The following KIDINS220 variants were observed in gnomAD, a reference collection of about 807,000 sequenced individuals.
KIDINS220 encodes kinase D interacting substrate 220, also known as kinase D-interacting substrate of 220 kDa.
KIDINS220 carries 63 observed loss-of-function variants against 157.6 expected under a neutral mutation model. The ratio of observed to expected loss-of-function variants is 0.40; its 90% CI spans 0.33 to 0.49. KIDINS220 has a LOEUF of 0.49. KIDINS220 is among the 20% of genes least tolerant of loss of function. The pLI is 0.66. For synonymous variants in KIDINS220, 732 were observed against 783.6 expected (o/e 0.93, Z 1.10); for missense variants, 1,772 against 2,171.2 (o/e 0.82, Z 3.65).
At position 8,734,703 on chromosome 2, in the gene KIDINS220, C is replaced by T; in HGVS notation, c.3768G>A (p.Lys1256=). The T allele has an allele frequency of 6.2e-7, 1 of 1,613,658 alleles. No individual in the cohort carries two copies. Residue 1256 remains lysine, a synonymous_variant, in exon 28 of 30, where the codon AAG becomes AAA. Transcript: ENST00000256707. ...CTCCAAAATTCATATTCATCTCTTT[C>T]TTCAGCTCATCAATGTTACACTGAG... ...VLAQCNIDEL[K]KEMNMNFGDW...
intron 25 of KIDINS220, chr2:8,747,670 G>T: frequency 2.6e-6 from 1 of 390,528 alleles, no homozygotes. Context: ...CTATAAACAA[G>T]TCAACATTTC....
rs1229213637 is a variant in KIDINS220 at position 8,729,793 on chromosome 2, T to C, written c.*927A>G. 2 of 982,112 alleles carry C rather than the reference T, an allele frequency of 2.0e-6. No homozygotes were observed. The highest frequency in any genetic ancestry group is 1.2e-4 in the Admixed American group (2 of 16,264). The allele number at this position is 982,112 out of a possible 1,614,324, so 60.8% of individuals were successfully genotyped here. On this transcript the variant is annotated 3_prime_UTR_variant, in exon 30 of 30. Coordinates refer to ENST00000256707, the MANE Select transcript of KIDINS220 (RefSeq NM_020738.4). ...TCATTTATCAATTGTCACTGACCTT[T>C]TTGATGTAATTATTTCCTCATTCAC...
At chr2:8,809,019 TTG>T (rs1163039608) in intron 6 of KIDINS220, among the ~76,000 whole-genome samples, 1 of 9,894 alleles carries the variant, frequency 1.0e-4, no homozygotes, top group Non-Finnish European at 3.2e-4. Context: ...GTTTGTTTGT[TTG>T]TTTGTTTTTT....
intron 27 of KIDINS220, among the ~76,000 whole-genome samples, chr2:8,735,970 G>A (rs1276059398): frequency 6.6e-6 from 1 of 152,224 alleles, no homozygotes; most frequent in Non-Finnish European, 1.5e-5. Context: ...GCTGCCTGAA[G>A]GAGAAAGTGG....
intron 18 of KIDINS220, 88 bp from the exon 19 acceptor site, chr2:8,779,227 G>C (rs1383619767): frequency 1.4e-6 from 2 of 1,472,990 alleles, no homozygotes; most frequent in Non-Finnish European, 1.8e-6. Context: ...GCTACCTTTT[G>C]GTGACAATAT....
chr2:8,830,094 A>G (rs1679391591), intron 1 of KIDINS220, among the ~76,000 whole-genome samples: 1 of 151,904 alleles, frequency 6.6e-6, no homozygotes, highest in African/African-American at 2.4e-5. Context: ...CACAGCTACC[A>G]TTTTTCATCC....
chr2:8,737,045 C>T (rs746102153), intron 26 of KIDINS220, 46 bp from the exon 27 acceptor site: 3 of 1,594,436 alleles, frequency 1.9e-6, no homozygotes, highest in Non-Finnish European at 2.6e-6. Context: ...GCATTTAATG[C>T]CATCTATAAT....
intron 1 of KIDINS220, among the ~76,000 whole-genome samples, chr2:8,836,529 G>A (rs1051628036): frequency 6.6e-6 from 1 of 152,214 alleles, no homozygotes; most frequent in South Asian, 2.1e-4. Context: ...ATCTGGGGTG[G>A]TGCCCAGAAA....
intron 7 of KIDINS220, among the ~76,000 whole-genome samples, chr2:8,804,829 A>G (rs906685668): frequency 2.6e-5 from 4 of 152,194 alleles, no homozygotes; most frequent in Non-Finnish European, 5.9e-5. Context: ...TCAAGCAATC[A>G]ATTCTGCAGC....
Position 8,778,724 on chromosome 2 carries a change from A to G in KIDINS220, c.2618T>C (p.Ile873Thr), listed in dbSNP as rs764868893. 3.7e-6 allele frequency: 6 copies of G among 1,613,348 alleles called. No individual in the cohort carries two copies. The highest frequency in any genetic ancestry group is 5.1e-6 in the Non-Finnish European group (6 of 1,179,390). Reference sequence around the variant, plus strand: ...AACTCTTCTGTCAGCATCTTCCTGTATCCCTTAAATAATTTATCAAGACAG... The same window carrying G: ...AACTCTTCTGTCAGCATCTTCCTGTGTCCCTTAAATAATTTATCAAGACAG... ...GDVPCSDTTG[I>T]QEDADRRVSQ... Residue 873 changes from isoleucine to threonine, a missense_variant, in exon 20 of 30, where the codon ATA (isoleucine) becomes ACA (threonine). Around this residue, in one of 3 missense-constraint regions of KIDINS220, gnomAD observed 725 missense variants for 1,017.1 expected, o/e 0.71. Coordinates refer to ENST00000256707, the MANE Select transcript of KIDINS220 (RefSeq NM_020738.4).
chr2:8,829,684 C>T (rs6705256), intron 1 of KIDINS220, among the ~76,000 whole-genome samples: 5,710 of 152,096 alleles, frequency 0.038, 211 homozygotes, highest in East Asian at 0.16. Context: ...TAAATGTATA[C>T]ATTTTTAAAT....
chr2:8,817,493 C>T, intron 4 of KIDINS220, 125 bp downstream of exon 4: 1 of 529,510 alleles, frequency 1.9e-6, no homozygotes, highest in Non-Finnish European at 3.1e-6. Flanking sequence ...CATTTCAATG[C>T]CCAATCCCAA....
chr2:8,823,913 G>C (rs540038529), intron 2 of KIDINS220, among the ~76,000 whole-genome samples: 4 of 151,440 alleles, frequency 2.6e-5, no homozygotes, highest in Admixed American at 1.3e-4. Flanking sequence ...AATATATTTT[G>C]TTCAATATAG....
rs1572625121 is a variant in KIDINS220 at position 8,779,793 on chromosome 2, A to G, written c.2251T>C (p.Leu751=). The change falls in exon 18 of 30, where the codon TTG becomes CTG. Residue 751 remains leucine, a synonymous_variant. Coordinates refer to ENST00000256707, the MANE Select transcript of KIDINS220 (RefSeq NM_020738.4). ...ATGGTTTTTGCCATCCTGGCCATCA[A>G]TTCCACTTCACATTTAAGAACCTGT... is the stretch of plus-strand genomic sequence containing the variant. ...FMKVLKCEVE[L]MARMAKTIDS... 1.9e-6 allele frequency: 3 copies of G among 1,614,154 alleles called. No individual in the cohort carries two copies. In the East Asian group the frequency reaches 6.7e-5, roughly 36 times the overall value.
At chr2:8,776,414 A>G (rs1670963772) in intron 21 of KIDINS220, among the ~76,000 whole-genome samples, 1 of 152,204 alleles carries the variant, frequency 6.6e-6, no homozygotes, top group South Asian at 2.1e-4. Context: ...AAAGCATATA[A>G]CATCTGAATC....
At chr2:8,787,427 G>T (rs1367019083) in intron 15 of KIDINS220, among the ~76,000 whole-genome samples, 2 of 149,982 alleles carry the variant, frequency 1.3e-5, no homozygotes, top group Non-Finnish European at 1.5e-5. Flanking sequence ...GCAGTGCGGT[G>T]GCGTGATCTT....
chr2:8,832,496 AC>A (rs1439579291), intron 1 of KIDINS220, among the ~76,000 whole-genome samples: 2 of 152,108 alleles, frequency 1.3e-5, no homozygotes, highest in African/African-American at 4.8e-5. Context: ...AATAAATAAG[AC>A]CCCCATATAT....
chr2:8,766,354 C>G (rs1389781168), intron 22 of KIDINS220, among the ~76,000 whole-genome samples: 1 of 152,188 alleles, frequency 6.6e-6, no homozygotes, highest in African/African-American at 2.4e-5. Context: ...TTCAACCCTT[C>G]CTCAACTCTT....
At chr2:8,815,327 G>A (rs941963123) in intron 4 of KIDINS220, among the ~76,000 whole-genome samples, 1 of 151,768 alleles carries the variant, frequency 6.6e-6, no homozygotes, top group African/African-American at 2.4e-5. Context: ...CTTGAGCCCA[G>A]GGGATGGAGG....
Sources: allele counts gnomAD v4.1 joint callset (sites outside exome capture counted in the v4.1 genomes callset), GRCh38; gene constraint gnomAD v4.1.1; regional missense constraint gnomAD v4.1.1; transcripts MANE v1.5; gene names NCBI Gene and HGNC (gene_info 2026-07-23, HGNC 2026-07-21).